UGT2A1: variants seen among roughly 807,000 people sequenced by gnomAD.
UGT2A1 encodes UDP glucuronosyltransferase family 2 member A1 complex locus, also known as UDP-glucuronosyltransferase 2A1.
In UGT2A1, 61 loss-of-function variants were observed where a neutral mutation model predicts 45.4. That is an observed-to-expected ratio of 1.34 (90% CI 1.09 to 1.66). The LOEUF is 1.66. Among genes scored for constraint, UGT2A1 ranks in the 40% most tolerant of loss-of-function variants. The probability of loss-of-function intolerance (pLI) is 0.00; values close to 1 mark genes in which losing one functional copy is unlikely to be tolerated. For missense variants in UGT2A1, 649 were observed against 574.3 expected (o/e 1.13, Z -1.33); for synonymous variants, 229 against 196.2 (o/e 1.17, Z -1.40).
At chr4:69,611,854 G>T (rs6853543) in intron 3 of UGT2A1, among the ~76,000 whole-genome samples, 60,024 of 151,902 alleles carry the variant, frequency 0.4, 12,188 homozygotes, top group African/African-American at 0.48. Context: ...CTAATGGATT[G>T]CCCTAGTTTC....
intron 4 of UGT2A1, chr4:69,596,490 T>A: frequency 7.6e-7 from 1 of 1,321,710 alleles, no homozygotes; most frequent in Non-Finnish European, 9.8e-7. Context: ...GAGAAACTGT[T>A]GAACTGTCTG....
chr4:69,640,352 A>G (rs1255748504), intron 2 of UGT2A1, among the ~76,000 whole-genome samples: 1 of 152,016 alleles, frequency 6.6e-6, no homozygotes, highest in African/African-American at 2.4e-5. Flanking sequence ...GTATCTGTAA[A>G]GCTACTTTTC....
At chr4:69,642,887 T>C (rs1722106550) in intron 2 of UGT2A1, among the ~76,000 whole-genome samples, 1 of 151,672 alleles carries the variant, frequency 6.6e-6, no homozygotes, top group Non-Finnish European at 1.5e-5. Context: ...GGATTATAAG[T>C]ATTTTTAATG....
At chr4:69,608,909 A>T (rs1719851159) in intron 3 of UGT2A1, among the ~76,000 whole-genome samples, 1 of 152,148 alleles carries the variant, frequency 6.6e-6, no homozygotes, top group African/African-American at 2.4e-5. Flanking sequence ...TGTTTAAAGT[A>T]AAAGCAAAAC....
intron 1 of UGT2A1, among the ~76,000 whole-genome samples, chr4:69,649,701 T>C (rs1722434477): frequency 6.6e-6 from 1 of 152,078 alleles, no homozygotes; most frequent in Admixed American, 6.6e-5. Context: ...CATATACATA[T>C]ACATGCTGTG....
At chr4:69,617,835 A>G (rs141098153) in intron 3 of UGT2A1, among the ~76,000 whole-genome samples, 168 of 152,028 alleles carry the variant, frequency 1.1e-3, no homozygotes, top group African/African-American at 3.9e-3. Flanking sequence ...TCAAAATAAA[A>G]CAGGGCAATA....
chr4:69,627,673 A>C (rs937839706), intron 3 of UGT2A1, among the ~76,000 whole-genome samples: 1 of 151,962 alleles, frequency 6.6e-6, no homozygotes, highest in Non-Finnish European at 1.5e-5. Context: ...AAAAGGACTG[A>C]AGAACAAATA....
chr4:69,622,384 GA>G (rs973550559), intron 3 of UGT2A1, among the ~76,000 whole-genome samples: 2 of 151,374 alleles, frequency 1.3e-5, no homozygotes, highest in African/African-American at 4.8e-5. Flanking sequence ...TGAGAAATGG[GA>G]AAAAATACGA....
chr4:69,612,714 AT>A (rs1374799808), intron 3 of UGT2A1, among the ~76,000 whole-genome samples: 1 of 152,036 alleles, frequency 6.6e-6, no homozygotes. Flanking sequence ...AATTTACCCT[AT>A]AAAAACATTA....
rs145797540 is a variant in UGT2A1, at chr4:69,638,665, C to T, written c.716-2843G>A. ...GATTTATACATTGAAAAGCTATTAC[C>T]TAAATGGACACAAAGTTGTTTGCAT... is the stretch of plus-strand genomic sequence containing the variant. On this transcript the variant is annotated intron_variant, in intron 2 of 6. Transcript: ENST00000286604. 3.8e-3 allele frequency among the ~76,000 whole-genome samples: 578 copies of T among 152,162 alleles called. 5 individuals carry two copies. Among genetic ancestry groups the T allele is most frequent in the African/African-American group, 0.013 (545 of 41,532 alleles).
chr4:69,646,456 A>G (rs1373226771), intron 2 of UGT2A1, among the ~76,000 whole-genome samples: 1 of 151,830 alleles, frequency 6.6e-6, no homozygotes, highest in African/African-American at 2.4e-5. Flanking sequence ...ATAAAGCCTT[A>G]ATGTATTTTG....
intron 6 of UGT2A1, among the ~76,000 whole-genome samples, chr4:69,591,954 T>C (rs545828166): frequency 8.9e-4 from 135 of 152,310 alleles, no homozygotes; most frequent in Non-Finnish European, 1.6e-3. Flanking sequence ...TCTAAAATTA[T>C]GACTTATACA....
chr4:69,612,182 G>A (rs1255916516), intron 3 of UGT2A1, among the ~76,000 whole-genome samples: 1 of 151,570 alleles, frequency 6.6e-6, no homozygotes, highest in African/African-American at 2.4e-5. Context: ...ATCAGCAAAA[G>A]TAACAGAGAC....
chr4:69,639,396 A>G, intron 2 of UGT2A1: 1 of 1,613,548 alleles, frequency 6.2e-7, no homozygotes, highest in Non-Finnish European at 8.5e-7. Flanking sequence ...AACAGGTATC[A>G]CTTCAAAATT....
intron 3 of UGT2A1, among the ~76,000 whole-genome samples, chr4:69,602,486 T>C (rs1719354578): frequency 7.3e-6 from 1 of 136,236 alleles, no homozygotes; most frequent in Non-Finnish European, 1.6e-5. Context: ...TATCTATCTA[T>C]CTATCTATCT....
chr4:69,646,241 A>T (rs1245711481), intron 2 of UGT2A1, among the ~76,000 whole-genome samples: 10 of 151,826 alleles, frequency 6.6e-5, no homozygotes, highest in African/African-American at 2.4e-4. Context: ...CAAAAGCATA[A>T]AAAATGGGCA....
rs375661909 is a variant in UGT2A1 at position 69,646,883 on chromosome 4, G to T, written c.715+47C>A. On this transcript the variant is annotated intron_variant, in intron 2 of 6. Coordinates refer to ENST00000286604, the MANE Select transcript of UGT2A1 (RefSeq NM_001252275.3). ...GAAATAAAGAAGAGGCTCTACAAAG[G>T]TCTGTTTGTTCAAATTCAAGTAATA... 1.1e-4 allele frequency: 153 copies of T among 1,340,562 alleles called. No homozygotes were observed. The African/African-American group carries it at 2.1e-3, about 18-fold the overall frequency. The allele number at this position is 1,340,562 out of a possible 1,614,324, so 83.0% of individuals were successfully genotyped here.
At chr4:69,607,681 G>T (rs1482039495) in intron 3 of UGT2A1, among the ~76,000 whole-genome samples, 1 of 152,094 alleles carries the variant, frequency 6.6e-6, no homozygotes, top group Non-Finnish European at 1.5e-5. Context: ...CTGACAAAGG[G>T]CTAATATCCA....
chr4:69,613,557 C>T (rs2109921933), intron 3 of UGT2A1, among the ~76,000 whole-genome samples: 1 of 152,072 alleles, frequency 6.6e-6, no homozygotes, highest in Admixed American at 6.6e-5. Context: ...CTGTGATGAA[C>T]ATAGACACAA....
Sources: allele counts gnomAD v4.1 joint callset (sites outside exome capture counted in the v4.1 genomes callset), GRCh38; gene constraint gnomAD v4.1.1; transcripts MANE v1.5; gene names NCBI Gene and HGNC (gene_info 2026-07-23, HGNC 2026-07-21).